CYP4F22: variants seen among roughly 807,000 people sequenced by gnomAD.
CYP4F22 encodes the protein cytochrome P450 family 4 subfamily F member 22, also known as ultra-long-chain fatty acid omega-hydroxylase.
A neutral mutation model predicts 60.4 loss-of-function variants in CYP4F22; 37 were observed. The ratio of observed to expected loss-of-function variants is 0.61; its 90% confidence interval spans 0.47 to 0.81. The LOEUF (loss-of-function observed/expected upper bound fraction) is 0.81, where lower values mean the gene tolerates loss of function less well. CYP4F22 is among the 30% of genes least tolerant of loss of function. The probability of loss-of-function intolerance (pLI) is 0.00; values close to 1 mark genes in which losing one functional copy is unlikely to be tolerated. For synonymous variants in CYP4F22, 258 were observed against 280.5 expected (o/e 0.92, Z 0.80); for missense variants, 655 against 715.0 (o/e 0.92, Z 0.96).
Position 15,550,717 on chromosome 19 carries a change from G to C in CYP4F22, c.1379G>C (p.Arg460Pro), listed in dbSNP as rs758915198. ...YRFDPDNPQQ[R>P]SPLAYVPFSA... ...TTTGACCCGGACAACCCACAGCAGC[G>C]CTCTCCACTGGCCTATGTGCCCTTC... is the stretch of plus-strand genomic sequence containing the variant. Residue 460 changes from arginine (R) to proline (P), a missense_variant, in exon 13 of 14, where the codon CGC (arginine) becomes CCC (proline). By Grantham distance (103) the Arg-to-Pro change is moderately radical. Around this residue, in one of 3 missense-constraint regions of CYP4F22, gnomAD observed 151 missense variants for 139.4 expected, o/e 1.08. Coordinates refer to ENST00000269703, the MANE Select transcript of CYP4F22 (RefSeq NM_173483.4). 1.9e-6 allele frequency: 3 copies of C among 1,614,172 alleles called. No homozygotes were observed. In the South Asian group the frequency reaches 3.3e-5, roughly 18 times the overall value.
At chr19:15,538,030 G>T in intron 7 of CYP4F22, 37 bp downstream of exon 7, 1 of 1,613,344 alleles carries the variant, frequency 6.2e-7, no homozygotes, top group African/African-American at 1.3e-5. Context: ...GGAGCCAGCT[G>T]CTCTAGGAGC....
In CYP4F22 at chr19:15,529,771, A is replaced by G. The variant is rs143835816; in HGVS notation, c.285A>G (p.Val95=). 2.1e-4 allele frequency: 345 copies of G among 1,613,918 alleles called. 2 individuals carry two copies. The South Asian group carries it at 3.5e-3, about 16-fold the overall frequency. Residue 95 remains valine, a synonymous_variant, in exon 4 of 14, where the codon GTA becomes GTG. Coordinates refer to ENST00000269703, the MANE Select transcript of CYP4F22 (RefSeq NM_173483.4). ...EKKVLDNMHH[V]LLVWMGPVLP... is the part of the protein sequence containing the mutation. ...AGGTACTGGACAACATGCACCATGT[A>G]CTCTTGGTATGGATGGGACCTGTCC...
chr19:15,512,992 T>TTC (rs146066093), intron 1 of CYP4F22, among the ~76,000 whole-genome samples: 79,080 of 148,048 alleles, frequency 0.53, 21,896 homozygotes, highest in Non-Finnish European at 0.62. Context: ...CTCAAAGCTT[T>TTC]TCTCTCTCTC....
chr19:15,551,360 T>C lies in CYP4F22; in HGVS notation c.1485T>C (p.Arg495=), dbSNP rs2144550710. 6.2e-7 allele frequency: 1 copy of C among 1,613,324 alleles called. No individual in the cohort carries two copies. The highest frequency in any genetic ancestry group is 1.1e-5 in the South Asian group (1 of 90,820). ...LRVVVALTLL[R]FRLSVDRTRK... ...TGGTTGTGGCACTAACACTGCTACGTTTCCGCCTGAGCGTGGACCGAACGC... is the reference window on the plus strand; with the variant it reads ...TGGTTGTGGCACTAACACTGCTACGCTTCCGCCTGAGCGTGGACCGAACGC... Residue 495 remains arginine, a synonymous_variant, in exon 14 of 14, where the codon CGT becomes CGC. Coordinates refer to ENST00000269703, the MANE Select transcript of CYP4F22 (RefSeq NM_173483.4).
At chr19:15,515,550 C>A in intron 1 of CYP4F22, 3 of 571,818 alleles carry the variant, frequency 5.2e-6, no homozygotes, top group Non-Finnish European at 1.0e-5. Flanking sequence ...TATGGTGACA[C>A]CCCGTCTCTA....
intron 1 of CYP4F22, among the ~76,000 whole-genome samples, chr19:15,512,318 C>CATTAA (rs1319327406): frequency 6.6e-6 from 1 of 152,092 alleles, no homozygotes; most frequent in Non-Finnish European, 1.5e-5. Flanking sequence ...CAAAAGTGAA[C>CATTAA]ATTAAATTAA....
chr19:15,512,179 GT>G (rs1473805989), intron 1 of CYP4F22, among the ~76,000 whole-genome samples: 4 of 152,152 alleles, frequency 2.6e-5, no homozygotes, highest in African/African-American at 9.7e-5. Context: ...ACCTTAGGGG[GT>G]AGGTCCTGTT....
chr19:15,539,832 T>C (rs1161079673), intron 7 of CYP4F22, among the ~76,000 whole-genome samples: 1 of 152,200 alleles, frequency 6.6e-6, no homozygotes, highest in African/African-American at 2.4e-5. Context: ...TTAGTCACCT[T>C]AGTGGGGTGA....
At chr19:15,525,580 T>G in intron 3 of CYP4F22, 22 bp downstream of exon 3, 1 of 1,589,872 alleles carries the variant, frequency 6.3e-7, no homozygotes, top group Non-Finnish European at 8.5e-7. Context: ...CAGGCAGGAC[T>G]GGGCTGGGCT....
chr19:15,551,272 G>C, intron 13 of CYP4F22, 22 bp from the exon 14 acceptor site: 2 of 1,605,988 alleles, frequency 1.2e-6, no homozygotes, highest in African/African-American at 2.7e-5. Context: ...CTGGGCCTGA[G>C]CCCTGTCCCC....
intron 1 of CYP4F22, among the ~76,000 whole-genome samples, chr19:15,522,091 G>T (rs1971232966): frequency 6.6e-6 from 1 of 150,500 alleles, no homozygotes. Flanking sequence ...GTTGCAGTGA[G>T]CTGAGACTGT....
At chr19:15,535,606 C>T (rs1208618137) in intron 4 of CYP4F22, among the ~76,000 whole-genome samples, 1 of 151,910 alleles carries the variant, frequency 6.6e-6, no homozygotes, top group Non-Finnish European at 1.5e-5. Context: ...TCCACCTATC[C>T]ACTCATTCAT....
intron 11 of CYP4F22, among the ~76,000 whole-genome samples, chr19:15,548,449 A>G (rs1339688231): frequency 1.3e-5 from 2 of 152,142 alleles, no homozygotes; most frequent in Non-Finnish European, 2.9e-5. Context: ...GTGGAAAGGA[A>G]GGAGGCAGTG....
chr19:15,526,736 C>T (rs1167357957), intron 3 of CYP4F22, among the ~76,000 whole-genome samples: 1 of 150,378 alleles, frequency 6.6e-6, no homozygotes, highest in Non-Finnish European at 1.5e-5. Context: ...ATGAGATAGG[C>T]TAGACTTTTC....
chr19:15,545,787 G>T (rs1032000036), intron 10 of CYP4F22, among the ~76,000 whole-genome samples: 9 of 152,038 alleles, frequency 5.9e-5, no homozygotes, highest in Non-Finnish European at 1.0e-4. Flanking sequence ...ATGGCCTCAG[G>T]GGGACATGCT....
At position 15,551,654 on chromosome 19, in the gene CYP4F22, T is replaced by TTAGGGGGCCTGATCCCG; in HGVS notation, c.*183_*184insTAGGGGGCCTGATCCCG. ...GCCACGCCCCTCAAGGCAAGGCTCC[T>TTAGGGGGCCTGATCCCG]CCCCTTAGGGGGCCTGATCCCGCCC... On this transcript the variant is annotated 3_prime_UTR_variant, in exon 14 of 14. Coordinates refer to ENST00000269703, the MANE Select transcript of CYP4F22 (RefSeq NM_173483.4). 2.7e-6 allele frequency: 2 copies of TTAGGGGGCCTGATCCCG among 747,458 alleles called. No homozygotes were observed. Among genetic ancestry groups the TTAGGGGGCCTGATCCCG allele is most frequent in the Non-Finnish European group, 4.2e-6 (2 of 470,922 alleles). The allele number at this position is 747,458 out of a possible 1,614,324, so 46.3% of individuals were successfully genotyped here.
At chr19:15,526,424 G>GCAATCCTTTGGC (rs1190671111) in intron 3 of CYP4F22, among the ~76,000 whole-genome samples, 4 of 152,158 alleles carry the variant, frequency 2.6e-5, no homozygotes, top group African/African-American at 9.7e-5. Context: ...GAACTCCTAA[G>GCAATCCTTTGGC]CTCAAGCAAT....
intron 1 of CYP4F22, chr19:15,515,442 T>G: frequency 2.0e-6 from 2 of 1,024,996 alleles, no homozygotes; most frequent in Non-Finnish European, 3.0e-6. Flanking sequence ...TCAGTGCAGC[T>G]GGCCAGGCAC....
rs775553816 is a variant in CYP4F22 at position 15,537,516 on chromosome 19, C to T, written c.422-19C>T. Reference sequence around the variant, plus strand: ...CAGAGTAACAGGAGAGGTCCCTAACCTCAGTCTTCTGGGCCCAGGGGATGG... The same window carrying T: ...CAGAGTAACAGGAGAGGTCCCTAACTTCAGTCTTCTGGGCCCAGGGGATGG... On this transcript the variant is annotated intron_variant, in intron 5 of 13. Transcript: ENST00000269703. 1 of 1,614,130 alleles carries T rather than the reference C, an allele frequency of 6.2e-7. No homozygotes were observed. Among genetic ancestry groups the T allele is most frequent in the Non-Finnish European group, 8.5e-7 (1 of 1,180,026 alleles).
Sources: gnomAD v4.1 joint callset for allele counts (sites outside exome capture counted in the v4.1 genomes callset) on GRCh38, gnomAD v4.1.1 for gene constraint, gnomAD v4.1.1 regional missense constraint, MANE v1.5 for transcripts, NCBI Gene and HGNC (gene_info 2026-07-23, HGNC 2026-07-21) for gene names.